SRBD1: variants seen among roughly 807,000 people sequenced by gnomAD.
SRBD1 encodes the protein S1 RNA-binding domain-containing protein 1.
SRBD1 carries 88 observed loss-of-function variants against 115.3 expected under a neutral mutation model. The ratio of observed to expected loss-of-function variants is 0.76; its 90% CI spans 0.64 to 0.91. The LOEUF (loss-of-function observed/expected upper bound fraction) is 0.91, where lower values mean the gene tolerates loss of function less well. Among genes scored for constraint, SRBD1 ranks in the 40% least tolerant of loss-of-function variants. The pLI is 0.00. For synonymous variants in SRBD1, 509 were observed against 407.7 expected (o/e 1.25, Z -2.99); for missense variants, 1,385 against 1,177.4 (o/e 1.18, Z -2.58).
chr2:45,564,978 A>G (rs1352847702), intron 9 of SRBD1, among the ~76,000 whole-genome samples: 8 of 152,220 alleles, frequency 5.3e-5, no homozygotes, highest in Non-Finnish European at 1.5e-5. Flanking sequence ...GAAAGAAATT[A>G]AAGAAGATCT....
At chr2:45,478,729 T>A (rs535236339) in intron 15 of SRBD1, among the ~76,000 whole-genome samples, 3 of 152,312 alleles carry the variant, frequency 2.0e-5, no homozygotes, top group African/African-American at 7.2e-5. Flanking sequence ...GCAATAAGAA[T>A]GATTTTCAAC....
intron 10 of SRBD1, among the ~76,000 whole-genome samples, chr2:45,558,305 G>A (rs1164878771): frequency 6.6e-6 from 1 of 152,038 alleles, no homozygotes. Context: ...TCTCTAAAAA[G>A]AAGTTTTCTT....
At chr2:45,459,738 T>C (rs1287772491) in intron 16 of SRBD1, among the ~76,000 whole-genome samples, 1 of 152,172 alleles carries the variant, frequency 6.6e-6, no homozygotes, top group Non-Finnish European at 1.5e-5. Flanking sequence ...CTTATCTTAT[T>C]TTCCAAGAAG....
At position 45,586,493 on chromosome 2, in the gene SRBD1, T is replaced by C. The variant is rs548098844; in HGVS notation, c.649-719A>G. Among the ~76,000 whole-genome samples, 8 of 152,324 alleles carry C rather than the reference T, an allele frequency of 5.3e-5. No homozygotes were observed. In the South Asian group the frequency reaches 1.7e-3, roughly 32 times the overall value. The stretch of plus-strand genomic sequence containing the variant: ...AGTTGGAAGACCCTTCTATATCTTT[T>C]GAATTTTGTATCATGCACAAATACA... On this transcript the variant is annotated intron_variant, in intron 4 of 20. Coordinates refer to ENST00000263736, the MANE Select transcript of SRBD1 (RefSeq NM_018079.5).
intron 4 of SRBD1, among the ~76,000 whole-genome samples, chr2:45,591,312 C>T (rs1673717328): frequency 6.6e-6 from 1 of 152,196 alleles, no homozygotes; most frequent in Admixed American, 6.5e-5. Context: ...AGCTTTGACT[C>T]CCTATGATTT....
chr2:45,514,852 T>C (rs1477651201), intron 14 of SRBD1, among the ~76,000 whole-genome samples: 2 of 152,164 alleles, frequency 1.3e-5, no homozygotes, highest in Non-Finnish European at 2.9e-5. Context: ...CCTTATACCT[T>C]ACAAATTTAA....
intron 19 of SRBD1, among the ~76,000 whole-genome samples, chr2:45,397,567 C>T (rs1158134748): frequency 6.6e-6 from 1 of 152,148 alleles, no homozygotes; most frequent in Non-Finnish European, 1.5e-5. Flanking sequence ...ATCAAAGGGA[C>T]AGCAATGTGA....
rs1667447276 is a variant in SRBD1 at position 45,406,687 on chromosome 2, TGCA to T, written c.2513+6424_2513+6426del. 1.5e-4 allele frequency among the ~76,000 whole-genome samples: 23 copies of T among 152,284 alleles called. No homozygotes were observed. In the South Asian group the frequency reaches 4.8e-3, roughly 32 times the overall value. ...AATATTCTTCAGGAAATAGCATATC[TGCA>T]GCAGAACAGCATAAAATTCTACATA... On this transcript the variant is annotated intron_variant, in intron 19 of 20. Transcript: ENST00000263736.
At chr2:45,475,960 A>C (rs1572682034) in intron 16 of SRBD1, among the ~76,000 whole-genome samples, 1 of 152,312 alleles carries the variant, frequency 6.6e-6, no homozygotes, top group East Asian at 1.9e-4. Flanking sequence ...TGGCCTCCCA[A>C]AGTGCTGGGA....
At chr2:45,594,052 C>G (rs1028708158) in intron 4 of SRBD1, among the ~76,000 whole-genome samples, 1 of 152,150 alleles carries the variant, frequency 6.6e-6, no homozygotes, top group African/African-American at 2.4e-5. Context: ...ATAATAAACA[C>G]TACCAACTAA....
chr2:45,593,929 A>G (rs1182564032), intron 4 of SRBD1, among the ~76,000 whole-genome samples: 3 of 152,194 alleles, frequency 2.0e-5, no homozygotes, highest in Non-Finnish European at 2.9e-5. Flanking sequence ...AGATGTTGGT[A>G]ATGTTCTGGA....
At chr2:45,442,630 G>C (rs1483686053) in intron 16 of SRBD1, among the ~76,000 whole-genome samples, 1 of 152,188 alleles carries the variant, frequency 6.6e-6, no homozygotes, top group Admixed American at 6.5e-5. Flanking sequence ...TAAAGAAACA[G>C]CTATATGAGC....
At chr2:45,481,222 C>T (rs1669952743) in intron 15 of SRBD1, among the ~76,000 whole-genome samples, 2 of 152,130 alleles carry the variant, frequency 1.3e-5, no homozygotes, top group African/African-American at 4.8e-5. Flanking sequence ...ACAAAAATGT[C>T]ATGCGACATT....
At chr2:45,509,645 A>ACACG (rs896558912) in intron 14 of SRBD1, among the ~76,000 whole-genome samples, 4 of 150,588 alleles carry the variant, frequency 2.7e-5, no homozygotes, top group Admixed American at 2.6e-4. Flanking sequence ...ACACACACAC[A>ACACG]CGCAAAGAAG....
chr2:45,433,988 C>T (rs1231357186), intron 16 of SRBD1, among the ~76,000 whole-genome samples: 1 of 152,122 alleles, frequency 6.6e-6, no homozygotes, highest in Non-Finnish European at 1.5e-5. Context: ...TCCAGAAACA[C>T]AGATTGAAGC....
intron 16 of SRBD1, among the ~76,000 whole-genome samples, chr2:45,452,856 C>A (rs1669036027): frequency 6.6e-6 from 1 of 151,904 alleles, no homozygotes; most frequent in South Asian, 2.1e-4. Context: ...TAGGGTATTA[C>A]AAATGCAAAT....
At chr2:45,449,992 T>G (rs918764687) in intron 16 of SRBD1, among the ~76,000 whole-genome samples, 4 of 152,160 alleles carry the variant, frequency 2.6e-5, no homozygotes, top group Non-Finnish European at 5.9e-5. Flanking sequence ...CACATACAGC[T>G]GTTCAGGGTT....
chr2:45,414,714 GTATA>G lies in SRBD1; in HGVS notation c.2334-1425_2334-1422del, dbSNP rs141627324. Among the ~76,000 whole-genome samples, 769 of 99,624 alleles carry G rather than the reference GTATA, an allele frequency of 7.7e-3. 26 individuals are homozygous for G. Among genetic ancestry groups the G allele is most frequent in the African/African-American group, 0.019 (558 of 29,942 alleles). The allele number at this position is 99,624 out of a possible 152,430, so 65.4% of individuals were successfully genotyped here. On this transcript the variant is annotated intron_variant, in intron 18 of 20. Transcript: ENST00000263736. ...CACACACATAGTGTGTATATAGTAT[GTATA>G]TACACACACACAGTGTGTATATAGT...
intron 10 of SRBD1, among the ~76,000 whole-genome samples, chr2:45,555,270 T>C (rs763328497): frequency 2.0e-5 from 3 of 152,082 alleles, no homozygotes; most frequent in Non-Finnish European, 4.4e-5. Flanking sequence ...CTGTAGTCCC[T>C]GCTACTTAGA....
Sources: gnomAD v4.1 joint callset for allele counts (sites outside exome capture counted in the v4.1 genomes callset) on GRCh38, gnomAD v4.1.1 for gene constraint, MANE v1.5 for transcripts, NCBI Gene and HGNC (gene_info 2026-07-23, HGNC 2026-07-21) for gene names.